Variants in UBR3 observed in about 807,000 individuals in gnomAD.
The protein encoded by UBR3 is E3 ubiquitin-protein ligase UBR3.
A neutral mutation model predicts 243.2 loss-of-function variants in UBR3; 85 were observed. That is an observed-to-expected ratio of 0.35 (90% CI 0.29 to 0.42). UBR3 has a LOEUF of 0.42. Among genes scored for constraint, UBR3 ranks in the 10% least tolerant of loss-of-function variants. The pLI is 1.00. For synonymous variants in UBR3, 748 were observed against 799.8 expected (o/e 0.94, Z 1.09); for missense variants, 1,686 against 2,300.8 (o/e 0.73, Z 5.47).
chr2:169,982,856 G>A, intron 24 of UBR3, among the ~76,000 whole-genome samples: 1 of 152,162 alleles, frequency 6.6e-6, no homozygotes, highest in East Asian at 1.9e-4. Flanking sequence ...ATCAGTCAAT[G>A]AGAAGACTCA....
chr2:169,980,688 A>G (rs1391980655), intron 24 of UBR3, among the ~76,000 whole-genome samples: 1 of 151,626 alleles, frequency 6.6e-6, no homozygotes, highest in Non-Finnish European at 1.5e-5. Context: ...ACATACGAAT[A>G]CATGTGCCAT....
chr2:169,931,179 G>C (rs912319264), intron 18 of UBR3, among the ~76,000 whole-genome samples: 13 of 151,896 alleles, frequency 8.6e-5, no homozygotes, highest in African/African-American at 3.1e-4. Flanking sequence ...GTGAAACCCT[G>C]TCTCTACTAA....
intron 3 of UBR3, among the ~76,000 whole-genome samples, chr2:169,876,510 A>T (rs187430688): frequency 2.3e-4 from 31 of 134,550 alleles, no homozygotes; most frequent in East Asian, 1.2e-3. Context: ...GTGTGACATG[A>T]TAATTATGCT....
At chr2:169,991,622 A>G (rs2089277078) in intron 25 of UBR3, among the ~76,000 whole-genome samples, 1 of 152,166 alleles carries the variant, frequency 6.6e-6, no homozygotes, top group Non-Finnish European at 1.5e-5. Flanking sequence ...TCACTCTGTC[A>G]TGCAGGCTGG....
intron 33 of UBR3, among the ~76,000 whole-genome samples, chr2:170,058,439 T>TTA (rs1380270134): frequency 1.3e-5 from 2 of 152,064 alleles, no homozygotes; most frequent in Admixed American, 1.3e-4. Flanking sequence ...CTAAGAGTCT[T>TTA]TATACTAGAA....
chr2:169,968,090 A>C (rs2087911162), intron 24 of UBR3, among the ~76,000 whole-genome samples: 1 of 152,138 alleles, frequency 6.6e-6, no homozygotes, highest in Non-Finnish European at 1.5e-5. Flanking sequence ...AAATTTATAC[A>C]TAATAACTAC....
Position 169,835,993 on chromosome 2 carries a change from G to GTCTCTC in UBR3, c.545+7987_545+7992dup, listed in dbSNP as rs577838877. 6.2e-4 allele frequency among the ~76,000 whole-genome samples: 19 copies of GTCTCTC among 30,722 alleles called. 1 individual carries two copies. The highest frequency in any genetic ancestry group is 2.0e-3 in the African/African-American group (18 of 9,196). 20.2% of individuals were successfully genotyped at this position (30,722 alleles called of 152,430 possible). A position where few individuals can be genotyped will look rare whatever the true frequency, so the allele number is the denominator to read the frequency against. ...TTTTCCTGAAATTCCTGTGTGCACT[G>GTCTCTC]TCTCTCTCTCTCTCTCTCTCTCTCT... On this transcript the variant is annotated intron_variant, in intron 1 of 38. Coordinates refer to ENST00000272793, the MANE Select transcript of UBR3 (RefSeq NM_172070.4).
At chr2:169,881,978 T>TAC (rs2083879739) in intron 5 of UBR3, among the ~76,000 whole-genome samples, 1 of 62,124 alleles carries the variant, frequency 1.6e-5, no homozygotes, top group Non-Finnish European at 4.6e-5. Context: ...GTAATTATAT[T>TAC]ATATATGTAT....
chr2:170,015,247 G>A, intron 29 of UBR3, 34 bp from the exon 30 acceptor site: 1 of 1,535,248 alleles, frequency 6.5e-7, no homozygotes, highest in Non-Finnish European at 9.0e-7. Flanking sequence ...AGAATCTTCA[G>A]TTTAATGACT....
intron 5 of UBR3, among the ~76,000 whole-genome samples, chr2:169,880,364 A>G (rs1481810782): frequency 1.3e-5 from 2 of 152,234 alleles, no homozygotes; most frequent in Admixed American, 6.5e-5. Context: ...TATGTATCCA[A>G]CAGGCTTGCT....
At chr2:169,990,735 A>G (rs1040831505) in intron 25 of UBR3, among the ~76,000 whole-genome samples, 4 of 150,750 alleles carry the variant, frequency 2.7e-5, no homozygotes, top group Non-Finnish European at 5.9e-5. Context: ...ACACACACAC[A>G]CACACACACA....
intron 38 of UBR3, 91 bp from the exon 39 acceptor site, chr2:170,081,635 C>G: frequency 1.0e-6 from 1 of 972,500 alleles, no homozygotes; most frequent in Non-Finnish European, 1.5e-6. Flanking sequence ...GGTTGCACTG[C>G]GAGAGACTGT....
intron 19 of UBR3, among the ~76,000 whole-genome samples, chr2:169,935,214 G>A (rs1413463494): frequency 6.6e-6 from 1 of 152,170 alleles, no homozygotes; most frequent in East Asian, 1.9e-4. Flanking sequence ...CACCCAGGCT[G>A]GAGTGCAGTG....
intron 31 of UBR3, among the ~76,000 whole-genome samples, chr2:170,032,209 C>T (rs2090690839): frequency 6.6e-6 from 1 of 151,932 alleles, no homozygotes; most frequent in Non-Finnish European, 1.5e-5. Context: ...GTACTTTATG[C>T]CATCATTTGT....
chr2:169,960,260 T>C (rs1324082717), intron 24 of UBR3, among the ~76,000 whole-genome samples: 12 of 150,108 alleles, frequency 8.0e-5, no homozygotes, highest in Non-Finnish European at 3.0e-5. Context: ...AAAAAAAGAT[T>C]GTATAAAATC....
At chr2:169,934,343 A>C (rs757968957) in intron 19 of UBR3, among the ~76,000 whole-genome samples, 7 of 152,194 alleles carry the variant, frequency 4.6e-5, no homozygotes, top group African/African-American at 1.7e-4. Context: ...AGTAAATTTT[A>C]TTCTCTTTTA....
intron 1 of UBR3, among the ~76,000 whole-genome samples, chr2:169,866,538 T>C (rs2083271188): frequency 1.3e-5 from 2 of 152,076 alleles, no homozygotes; most frequent in South Asian, 4.1e-4. Flanking sequence ...AATTTTTGTA[T>C]TTTTAGTGGA....
chr2:169,933,555 C>T (rs1363730781), intron 19 of UBR3, among the ~76,000 whole-genome samples: 1 of 152,070 alleles, frequency 6.6e-6, no homozygotes, highest in Non-Finnish European at 1.5e-5. Context: ...AAATTGTAGA[C>T]CATTGTAAAT....
chr2:169,861,692 A>G (rs1397080646), intron 1 of UBR3, among the ~76,000 whole-genome samples: 1 of 151,226 alleles, frequency 6.6e-6, no homozygotes, highest in Admixed American at 6.6e-5. Context: ...TTTTATGTTT[A>G]TTAATTTTAT....
Sources: gnomAD v4.1 joint callset for allele counts (sites outside exome capture counted in the v4.1 genomes callset) on GRCh38, gnomAD v4.1.1 for gene constraint, MANE v1.5 for transcripts, NCBI Gene and HGNC (gene_info 2026-07-23, HGNC 2026-07-21) for gene names.